Variants in DOCK8 observed in about 807,000 individuals in gnomAD.
DOCK8 encodes the protein dedicator of cytokinesis 8, also known as dedicator of cytokinesis protein 8.
Under a neutral mutation model 245.6 loss-of-function variants are expected in DOCK8, and 141 were observed. The observed-to-expected ratio is 0.57, with a 90% CI of 0.50 to 0.66. The LOEUF is 0.66. Among genes scored for constraint, DOCK8 ranks in the 30% least tolerant of loss-of-function variants. DOCK8 has a pLI of 0.00. For synonymous variants in DOCK8, 1,168 were observed against 970.2 expected, an observed-to-expected ratio of 1.20 and a Z score of -3.79; for missense variants, 2,965 against 2,603.4, an observed-to-expected ratio of 1.14 and a Z score of -3.02.
intron 46 of DOCK8, chr9:452,396 G>A (rs542976495): frequency 1.0e-4 from 22 of 211,532 alleles, no homozygotes; most frequent in South Asian, 8.6e-4. Flanking sequence ...ACTATGAAAC[G>A]CTTTTGTGGC....
chr9:433,872 C>T lies in DOCK8; in HGVS notation c.4786-3C>T. ...ATTATTTTGAGGCTTACACTTTTTG[C>T]AGGTGGAGGAACTTCTCTGTAATCT... On this transcript the variant is annotated splice_region_variant and splice_polypyrimidine_tract_variant and intron_variant, in intron 37 of 47. Coordinates refer to ENST00000432829, the MANE Select transcript of DOCK8 (RefSeq NM_203447.4). 1 of 1,611,218 alleles carries T rather than the reference C, an allele frequency of 6.2e-7. No individual in the cohort carries two copies. The highest frequency in any genetic ancestry group is 1.1e-5 in the South Asian group (1 of 91,024).
intron 4 of DOCK8, among the ~76,000 whole-genome samples, chr9:292,977 T>C (rs2049107072): frequency 6.6e-6 from 1 of 152,238 alleles, no homozygotes; most frequent in Non-Finnish European, 1.5e-5. Context: ...ATTTATTATA[T>C]GCAAGTTTTT....
intron 1 of DOCK8, among the ~76,000 whole-genome samples, chr9:234,461 G>A (rs551764491): frequency 5.9e-5 from 9 of 152,242 alleles, no homozygotes; most frequent in African/African-American, 2.2e-4. Flanking sequence ...TAGAATGGGG[G>A]ACTTCTCCTG....
At chr9:327,284 T>C (rs1010197953) in intron 8 of DOCK8, among the ~76,000 whole-genome samples, 1 of 152,202 alleles carries the variant, frequency 6.6e-6, no homozygotes, top group Non-Finnish European at 1.5e-5. Flanking sequence ...GTCACCCAAC[T>C]GCAAATGGCC....
intron 46 of DOCK8, among the ~76,000 whole-genome samples, chr9:455,938 C>T (rs576018119): frequency 6.6e-6 from 1 of 152,172 alleles, no homozygotes; most frequent in East Asian, 1.9e-4. Flanking sequence ...TTATTGAGCT[C>T]CTACTTTGTG....
intron 32 of DOCK8, 25 bp from the exon 33 acceptor site, chr9:422,023 C>A (rs1334873324): frequency 6.3e-7 from 1 of 1,589,188 alleles, no homozygotes; most frequent in Non-Finnish European, 8.6e-7. Context: ...AATCAAATTC[C>A]TATCATGCAT....
intron 14 of DOCK8, among the ~76,000 whole-genome samples, chr9:360,143 C>T (rs532595654): frequency 4.6e-5 from 7 of 151,944 alleles, no homozygotes; most frequent in African/African-American, 7.2e-5. Context: ...TGGTGAAACC[C>T]CATCTCTACT....
intron 43 of DOCK8, among the ~76,000 whole-genome samples, chr9:444,526 C>G (rs1194217151): frequency 6.6e-6 from 1 of 152,022 alleles, no homozygotes; most frequent in East Asian, 1.9e-4. Flanking sequence ...GTTCTCCAAC[C>G]AGGAAGCTCC....
chr9:439,326 C>T lies in DOCK8; in HGVS notation c.5161C>T (p.Gln1721Ter), dbSNP rs754989398. The change falls in exon 40 of 48, where the codon CAG (glutamine) becomes TAG (stop). Residue 1721 changes from glutamine to a stop codon, truncating the protein, a stop_gained. Transcript: ENST00000432829. LOFTEE classifies it high-confidence loss of function. ...TGACGAGGATGGGGTGTGCGCAGGC[C>T]AGTACTTCACCGAGAGTGGCCTGGT... ...SPDEDGVCAG[Q>*]YFTESGLVGL... is the part of the protein sequence containing the mutation. 1.2e-6 allele frequency: 2 copies of T among 1,614,154 alleles called. No homozygotes were observed. Among genetic ancestry groups the T allele is most frequent in the Non-Finnish European group, 1.7e-6 (2 of 1,180,026 alleles).
chr9:379,174 A>G (rs759892014), intron 20 of DOCK8, among the ~76,000 whole-genome samples: 3 of 152,222 alleles, frequency 2.0e-5, no homozygotes, highest in Non-Finnish European at 2.9e-5. Flanking sequence ...TTAGATAAGT[A>G]TATTGGAGCC....
intron 18 of DOCK8, among the ~76,000 whole-genome samples, chr9:375,739 G>C (rs1415268730): frequency 6.6e-6 from 1 of 152,186 alleles, no homozygotes; most frequent in African/African-American, 2.4e-5. Context: ...GCTCACACCT[G>C]TAATCCCAAC....
At chr9:448,752 C>T (rs2057340746) in intron 44 of DOCK8, among the ~76,000 whole-genome samples, 1 of 152,178 alleles carries the variant, frequency 6.6e-6, no homozygotes, top group Non-Finnish European at 1.5e-5. Flanking sequence ...CTGCTGGCCT[C>T]ATTTTAACTT....
chr9:214,189 G>C, upstream of DOCK8: 1 of 347,822 alleles, frequency 2.9e-6, no homozygotes, highest in Non-Finnish European at 5.3e-6. Flanking sequence ...TCTTGAGTTT[G>C]AGGCCGGGCT....
intron 26 of DOCK8, 85 bp downstream of exon 26, chr9:399,344 T>G (rs1433978458): frequency 1.0e-6 from 1 of 959,224 alleles, no homozygotes; most frequent in African/African-American, 1.7e-5. Flanking sequence ...TGGCACGCTG[T>G]CTTCTTCATT....
intron 7 of DOCK8, among the ~76,000 whole-genome samples, chr9:318,550 C>G (rs908922627): frequency 6.6e-6 from 1 of 152,246 alleles, no homozygotes; most frequent in African/African-American, 2.4e-5. Context: ...TCTGCTCACA[C>G]AGCTATGGGT....
chr9:383,107 T>C (rs1304224824), intron 22 of DOCK8, among the ~76,000 whole-genome samples: 1 of 152,108 alleles, frequency 6.6e-6, no homozygotes, highest in Non-Finnish European at 1.5e-5. Flanking sequence ...CACAAAAAAG[T>C]CCAAAGGAAC....
intron 11 of DOCK8, among the ~76,000 whole-genome samples, chr9:335,265 G>A (rs1411770984): frequency 1.3e-5 from 2 of 152,040 alleles, no homozygotes; most frequent in Non-Finnish European, 2.9e-5. Flanking sequence ...TACACTGCTT[G>A]GTGTAGAAAT....
At chr9:442,276 T>G (rs2057116898) in intron 42 of DOCK8, among the ~76,000 whole-genome samples, 1 of 152,258 alleles carries the variant, frequency 6.6e-6, no homozygotes, top group Admixed American at 6.5e-5. Flanking sequence ...TATTTTGAAG[T>G]CTGTGCAAAA....
intron 14 of DOCK8, among the ~76,000 whole-genome samples, chr9:357,924 C>G (rs1397795551): frequency 1.3e-5 from 2 of 152,170 alleles, no homozygotes; most frequent in African/African-American, 4.8e-5. Flanking sequence ...TTCACTGGTT[C>G]CTTTGTGAAT....
Sources: gnomAD v4.1 joint callset for allele counts (sites outside exome capture counted in the v4.1 genomes callset) on GRCh38, gnomAD v4.1.1 for gene constraint, MANE v1.5 for transcripts, NCBI Gene and HGNC (gene_info 2026-07-23, HGNC 2026-07-21) for gene names.